Variants in ZFHX3 observed in about 807,000 individuals in gnomAD.
ZFHX3 encodes zinc finger homeobox protein 3.
In ZFHX3, 42 loss-of-function variants were observed where a neutral mutation model predicts 279.1. That is an observed-to-expected ratio of 0.15 (90% CI 0.12 to 0.19). The LOEUF (loss-of-function observed/expected upper bound fraction) is 0.19. Ranked by LOEUF, ZFHX3 falls within the 10% of genes least tolerant of loss-of-function variation. The probability of loss-of-function intolerance (pLI) is 1.00; values close to 1 mark genes in which losing one functional copy is unlikely to be tolerated. For synonymous variants in ZFHX3, 2,293 were observed against 1,957.8 expected (o/e 1.17, Z -4.52); for missense variants, 4,981 against 4,754.0 (o/e 1.05, Z -1.40).
At chr16:73,103,289 CGTGA>C (rs895799777) in intron 7 of ZFHX3, among the ~76,000 whole-genome samples, 37 of 152,214 alleles carry the variant, frequency 2.4e-4, no homozygotes, top group South Asian at 1.0e-3. Flanking sequence ...AATCCTGGGC[CGTGA>C]GTATCTCAGG....
intron 3 of ZFHX3, among the ~76,000 whole-genome samples, chr16:73,449,626 TA>T (rs2018248953): frequency 6.6e-6 from 1 of 152,156 alleles, no homozygotes; most frequent in South Asian, 2.1e-4. Context: ...TATAGAAGTA[TA>T]AAATATGACA....
At chr16:73,057,535 CA>C (rs60945619) in intron 1 of ZFHX3, among the ~76,000 whole-genome samples, 82,356 of 125,094 alleles carry the variant, frequency 0.66, 24,828 homozygotes, top group South Asian at 0.72. Context: ...TTCGCGAGAG[CA>C]AAAAAAAAAA....
chr16:72,915,852 ATC>A (rs938715195), intron 3 of ZFHX3, among the ~76,000 whole-genome samples: 9 of 152,204 alleles, frequency 5.9e-5, no homozygotes, highest in African/African-American at 2.2e-4. Context: ...TAATAAGTTA[ATC>A]TCTGAGTGCT....
At chr16:72,921,069 CAAAAAAAAAAAA>C (rs57294537) in intron 3 of ZFHX3, among the ~76,000 whole-genome samples, 3 of 23,572 alleles carry the variant, frequency 1.3e-4, no homozygotes, top group Non-Finnish European at 2.4e-4. Flanking sequence ...CAGACCTTGT[CAAAAAAAAAAAA>C]AAAAAAAAAA....
chr16:73,849,775 C>T (rs1051526996), intron 1 of ZFHX3, among the ~76,000 whole-genome samples: 22 of 152,228 alleles, frequency 1.4e-4, no homozygotes, highest in African/African-American at 4.8e-4. Context: ...CTCTGTCGCC[C>T]AGGCTAGAGT....
chr16:73,525,941 C>T (rs142258067), intron 2 of ZFHX3, among the ~76,000 whole-genome samples: 16 of 152,314 alleles, frequency 1.1e-4, no homozygotes, highest in Non-Finnish European at 1.8e-4. Flanking sequence ...AAGCTTCTGC[C>T]TCTTGGTGGC....
At chr16:73,215,953 A>C (rs967604062) in intron 5 of ZFHX3, among the ~76,000 whole-genome samples, 9 of 152,076 alleles carry the variant, frequency 5.9e-5, no homozygotes, top group Admixed American at 3.9e-4. Context: ...ATTTCTGTTC[A>C]TGCTTTTATA....
chr16:73,490,667 A>C (rs1472897167), intron 2 of ZFHX3, among the ~76,000 whole-genome samples: 1 of 152,096 alleles, frequency 6.6e-6, no homozygotes, highest in African/African-American at 2.4e-5. Context: ...GAAAAGCTCC[A>C]TCTCTACAAA....
intron 4 of ZFHX3, among the ~76,000 whole-genome samples, chr16:73,273,024 T>A (rs1050647968): frequency 6.6e-6 from 1 of 152,082 alleles, no homozygotes; most frequent in African/African-American, 2.4e-5. Context: ...TGAGATAACA[T>A]GTGTGAGCCA....
chr16:72,854,549 C>T (rs936449991), intron 4 of ZFHX3, among the ~76,000 whole-genome samples: 2 of 152,094 alleles, frequency 1.3e-5, no homozygotes, highest in Middle Eastern at 3.2e-3. Flanking sequence ...GTCCCAAGAA[C>T]GACTGGCAGA....
At chr16:73,648,108 C>A (rs1022166591) in intron 2 of ZFHX3, among the ~76,000 whole-genome samples, 8 of 152,172 alleles carry the variant, frequency 5.3e-5, no homozygotes, top group Non-Finnish European at 8.8e-5. Context: ...ATTTAAAATA[C>A]ACACACCCTA....
chr16:72,942,240 A>G (rs1468801639), intron 3 of ZFHX3, among the ~76,000 whole-genome samples: 1 of 152,264 alleles, frequency 6.6e-6, no homozygotes, highest in Non-Finnish European at 1.5e-5. Flanking sequence ...GGCACCTGCC[A>G]TATTGGCTTT....
At chr16:72,807,939 C>T (rs192747465) in intron 7 of ZFHX3, 15 of 152,230 alleles carry the variant, frequency 9.9e-5, no homozygotes, top group African/African-American at 3.6e-4. Context: ...CATGAATGAC[C>T]GTAGAACTGG....
At chr16:73,267,616 C>A (rs934353806) in intron 4 of ZFHX3, among the ~76,000 whole-genome samples, 1 of 152,252 alleles carries the variant, frequency 6.6e-6, no homozygotes, top group African/African-American at 2.4e-5. Context: ...ACCCTGACCA[C>A]CTGCCATGAA....
chr16:73,480,565 G>A (rs868615815), intron 2 of ZFHX3, among the ~76,000 whole-genome samples: 37 of 152,326 alleles, frequency 2.4e-4, no homozygotes, highest in African/African-American at 7.7e-4. Flanking sequence ...GCAGGCAGCA[G>A]AGGGCAGAAT....
chr16:73,338,002 C>G (rs1046390157), intron 3 of ZFHX3, among the ~76,000 whole-genome samples: 4 of 151,612 alleles, frequency 2.6e-5, no homozygotes, highest in Non-Finnish European at 5.9e-5. Flanking sequence ...AAAACTCGTG[C>G]ATACTCTCAG....
chr16:73,228,434 G>T (rs184676920), intron 5 of ZFHX3, among the ~76,000 whole-genome samples: 3 of 152,162 alleles, frequency 2.0e-5, no homozygotes, highest in African/African-American at 7.2e-5. Context: ...AGGCCCAGGT[G>T]GGCAGATCAT....
chr16:72,884,612 G>A (rs2038576153), intron 4 of ZFHX3, among the ~76,000 whole-genome samples: 2 of 152,188 alleles, frequency 1.3e-5, no homozygotes. Context: ...TTAGGACAAG[G>A]CGAGTAAGAG....
intron 5 of ZFHX3, among the ~76,000 whole-genome samples, chr16:73,169,577 G>T (rs1597199451): frequency 1.3e-5 from 2 of 151,936 alleles, no homozygotes; most frequent in Non-Finnish European, 2.9e-5. Flanking sequence ...GGGAGGCAGA[G>T]GTTGCAGCGA....
Sources: gnomAD v4.1 joint callset for allele counts (sites outside exome capture counted in the v4.1 genomes callset) on GRCh38, gnomAD v4.1.1 for gene constraint, MANE v1.5 for transcripts, NCBI Gene and HGNC (gene_info 2026-07-23, HGNC 2026-07-21) for gene names.